Variants in CAMTA1 observed in about 807,000 individuals in gnomAD.
CAMTA1 encodes calmodulin binding transcription activator 1.
A neutral mutation model predicts 170.9 loss-of-function variants in CAMTA1; 27 were observed. That is an observed-to-expected ratio of 0.16 (90% CI 0.12 to 0.22). CAMTA1 has a LOEUF of 0.22. CAMTA1 is among the 10% of genes least tolerant of loss of function. The probability of loss-of-function intolerance (pLI) is 1.00; values close to 1 mark genes in which losing one functional copy is unlikely to be tolerated. For synonymous variants in CAMTA1, 833 were observed against 891.5 expected (o/e 0.93, Z 1.17); for missense variants, 1,619 against 2,217.2 (o/e 0.73, Z 5.42).
At chr1:6,919,746 G>A (rs990725275) in intron 3 of CAMTA1, among the ~76,000 whole-genome samples, 2 of 152,206 alleles carry the variant, frequency 1.3e-5, no homozygotes, top group African/African-American at 4.8e-5. Context: ...AGGCAAGGAG[G>A]AGCAAGTCAC....
At chr1:7,409,637 T>C (rs1172352578) in intron 5 of CAMTA1, among the ~76,000 whole-genome samples, 2 of 152,016 alleles carry the variant, frequency 1.3e-5, no homozygotes, top group Non-Finnish European at 2.9e-5. Context: ...GCCCACGGGG[T>C]AGGAGGGATT....
In CAMTA1 at chr1:7,570,160, G is replaced by A. The variant is rs1380766906; in HGVS notation, c.511-70240G>A. On this transcript the variant is annotated intron_variant, in intron 6 of 22. Transcript: ENST00000303635. This position sits in a 1 kb window ranked among gnomAD's most constrained non-coding sequence, Gnocchi z 4.3. ...GGGATCCCTTGCTGGGCACTGGGGG[G>A]ATCCAAAACTCCCTGCAGGACTGGT... 1.3e-5 allele frequency among the ~76,000 whole-genome samples: 2 copies of A among 151,744 alleles called. No homozygotes were observed. Among genetic ancestry groups the A allele is most frequent in the Non-Finnish European group, 2.9e-5 (2 of 67,936 alleles).
rs2094055661 is a variant in CAMTA1, at chr1:7,504,036, G to A, written c.510+36135G>A. Among the ~76,000 whole-genome samples, 3 of 152,180 alleles carry A rather than the reference G, an allele frequency of 2.0e-5. No homozygotes were observed. In the South Asian group the frequency reaches 6.2e-4, roughly 31 times the overall value. Reference sequence around the variant, plus strand: ...GCAGCCAGAGGGGCCTCCCGGGCAGGAGAGGGTGGCAGCCTCAGCCGAGAC... The same window carrying A: ...GCAGCCAGAGGGGCCTCCCGGGCAGAAGAGGGTGGCAGCCTCAGCCGAGAC... On this transcript the variant is annotated intron_variant, in intron 6 of 22. Coordinates refer to ENST00000303635, the MANE Select transcript of CAMTA1 (RefSeq NM_015215.4).
rs976214072 is a variant in CAMTA1, at chr1:7,224,427, C to A, written c.303-25064C>A. On this transcript the variant is annotated intron_variant, in intron 4 of 22. Transcript: ENST00000303635. The surrounding 1 kb of genome is among the most constrained non-coding windows in gnomAD (Gnocchi z 5.2). ...CAAAGGGAAGTGGAAAAACCAGCAGCTGGCTGAATCTGAGAAGGTTTTCAT... is the reference window on the plus strand; with the variant it reads ...CAAAGGGAAGTGGAAAAACCAGCAGATGGCTGAATCTGAGAAGGTTTTCAT... 8.5e-5 allele frequency among the ~76,000 whole-genome samples: 13 copies of A among 152,204 alleles called. No individual in the cohort carries two copies. Among genetic ancestry groups the A allele is most frequent in the African/African-American group, 2.7e-4 (11 of 41,450 alleles).
At chr1:7,221,140 G>C (rs1660689233) in intron 4 of CAMTA1, among the ~76,000 whole-genome samples, 1 of 152,180 alleles carries the variant, frequency 6.6e-6, no homozygotes. Context: ...TGCAGGAAGG[G>C]CCGGGTTCTA....
chr1:6,938,583 G>C (rs1685861675), intron 3 of CAMTA1, among the ~76,000 whole-genome samples: 1 of 152,230 alleles, frequency 6.6e-6, no homozygotes, highest in Non-Finnish European at 1.5e-5. Context: ...GTGAGCAGCA[G>C]CATGGCCTGT....
intron 3 of CAMTA1, among the ~76,000 whole-genome samples, chr1:7,042,668 C>T (rs554639194): frequency 6.6e-6 from 1 of 152,314 alleles, no homozygotes; most frequent in Non-Finnish European, 1.5e-5. Context: ...GGAGGCCTTT[C>T]GCATTTGCTC....
rs1332120387 is a variant in CAMTA1, at chr1:7,633,912, G to A, written c.511-6488G>A. On this transcript the variant is annotated intron_variant, in intron 6 of 22. Transcript: ENST00000303635. The surrounding 1 kb of genome is among the most constrained non-coding windows in gnomAD (Gnocchi z 4.1). ...GAGGTTTCCACAAGAAAGTGACCTGGGACCAATGTGGCATGGAGCGTGGCA... is the reference window on the plus strand; with the variant it reads ...GAGGTTTCCACAAGAAAGTGACCTGAGACCAATGTGGCATGGAGCGTGGCA... Among the ~76,000 whole-genome samples, 1 of 152,232 alleles carries A rather than the reference G, an allele frequency of 6.6e-6. No homozygotes were observed. Among genetic ancestry groups the A allele is most frequent in the Non-Finnish European group, 1.5e-5 (1 of 68,042 alleles).
chr1:7,472,705 G>C (rs1363202927), intron 6 of CAMTA1, among the ~76,000 whole-genome samples: 1 of 152,172 alleles, frequency 6.6e-6, no homozygotes, highest in Admixed American at 6.5e-5. Flanking sequence ...GCCTTTGCCA[G>C]CCCTGGGTCC....
At chr1:6,976,013 C>T (rs1031377973) in intron 3 of CAMTA1, among the ~76,000 whole-genome samples, 10 of 152,210 alleles carry the variant, frequency 6.6e-5, no homozygotes, top group Admixed American at 4.6e-4. Context: ...TGACACTCTG[C>T]GATGTGGACA....
At chr1:7,687,554 T>C (rs1217731814) in intron 11 of CAMTA1, among the ~76,000 whole-genome samples, 1 of 152,124 alleles carries the variant, frequency 6.6e-6, no homozygotes, top group Non-Finnish European at 1.5e-5. Flanking sequence ...CCTCCTGGAC[T>C]CTTGCCTGGC....
At chr1:7,034,534 T>C (rs1389850598) in intron 3 of CAMTA1, among the ~76,000 whole-genome samples, 1 of 152,234 alleles carries the variant, frequency 6.6e-6, no homozygotes, top group Non-Finnish European at 1.5e-5. Context: ...CCATGTCTAT[T>C]TGACTACTTG....
intron 3 of CAMTA1, among the ~76,000 whole-genome samples, chr1:7,024,385 A>G (rs1701777077): frequency 6.6e-6 from 1 of 152,214 alleles, no homozygotes; most frequent in Non-Finnish European, 1.5e-5. Flanking sequence ...CCAGGAAAAC[A>G]GCGACAGTGA....
At chr1:7,638,287 T>C (rs541448158) in intron 6 of CAMTA1, among the ~76,000 whole-genome samples, 76 of 152,306 alleles carry the variant, frequency 5.0e-4, no homozygotes, top group Middle Eastern at 3.4e-3. Flanking sequence ...CACGTGGCTT[T>C]TTCCATTGTT....
chr1:7,677,802 G>C, intron 11 of CAMTA1, 69 bp downstream of exon 11: 1 of 1,538,140 alleles, frequency 6.5e-7, no homozygotes, highest in Non-Finnish European at 8.8e-7. Flanking sequence ...TCTTGCACAA[G>C]GTGTGAAAGA....
rs1217613329 is a variant in CAMTA1 at position 7,635,080 on chromosome 1, C to A, written c.511-5320C>A. 6.6e-6 allele frequency among the ~76,000 whole-genome samples: 1 copy of A among 152,226 alleles called. No individual in the cohort carries two copies. The highest frequency in any genetic ancestry group is 1.5e-5 in the Non-Finnish European group (1 of 68,044). ...TGCCACGGGGCTCTCTCTCCCCAGC[C>A]TTTGGCACTGACCAGGCCTCCAGGA... On this transcript the variant is annotated intron_variant, in intron 6 of 22. Coordinates refer to ENST00000303635, the MANE Select transcript of CAMTA1 (RefSeq NM_015215.4). This position sits in a 1 kb window ranked among gnomAD's most constrained non-coding sequence, Gnocchi z 4.4.
At chr1:7,518,861 C>A (rs1190498776) in intron 6 of CAMTA1, among the ~76,000 whole-genome samples, 1 of 152,002 alleles carries the variant, frequency 6.6e-6, no homozygotes, top group Non-Finnish European at 1.5e-5. Context: ...TGGCCATACC[C>A]TCATTGAGTG....
intron 3 of CAMTA1, among the ~76,000 whole-genome samples, chr1:6,881,808 ATACGAAAAAT>A (rs1671703637): frequency 6.6e-6 from 1 of 152,122 alleles, no homozygotes; most frequent in Non-Finnish European, 1.5e-5. Flanking sequence ...ACTACTAAAA[ATACGAAAAAT>A]TAACTGGGCA....
chr1:7,686,323 G>A (rs1456915505), intron 11 of CAMTA1, among the ~76,000 whole-genome samples: 1 of 152,324 alleles, frequency 6.6e-6, no homozygotes, highest in East Asian at 1.9e-4. Context: ...TAGGCCAGGA[G>A]AGGTCAGAGG....
Sources: allele counts gnomAD v4.1 joint callset (sites outside exome capture counted in the v4.1 genomes callset), GRCh38; gene constraint gnomAD v4.1.1; non-coding constraint Gnocchi (gnomAD v3.1); transcripts MANE v1.5; gene names NCBI Gene and HGNC (gene_info 2026-07-23, HGNC 2026-07-21).